Variants in IFI16 observed in about 807,000 individuals in gnomAD.
IFI16 encodes gamma-interferon-inducible protein 16.
Under a neutral mutation model 68.4 loss-of-function variants are expected in IFI16, and 49 were observed. The ratio of observed to expected loss-of-function variants is 0.72; its 90% CI spans 0.57 to 0.91. The LOEUF (loss-of-function observed/expected upper bound fraction) is 0.91, where lower values mean the gene tolerates loss of function less well. Ranked by LOEUF, IFI16 falls within the 40% of genes least tolerant of loss-of-function variation. The pLI is 0.00. For synonymous variants in IFI16, 307 were observed against 315.0 expected, an observed-to-expected ratio of 0.97 and a Z score of 0.27; for missense variants, 878 against 942.9, an observed-to-expected ratio of 0.93 and a Z score of 0.90.
chr1:159,027,568 C>CT, intron 6 of IFI16, among the ~76,000 whole-genome samples: 1 of 151,872 alleles, frequency 6.6e-6, no homozygotes, highest in Non-Finnish European at 1.5e-5. Context: ...AGGATTCTCT[C>CT]TTTCTCTATC....
At chr1:159,027,361 C>T (rs972614993) in intron 6 of IFI16, among the ~76,000 whole-genome samples, 2 of 152,116 alleles carry the variant, frequency 1.3e-5, no homozygotes, top group African/African-American at 4.8e-5. Context: ...ACCATCCCTG[C>T]GTCCCTGGTA....
intron 1 of IFI16, among the ~76,000 whole-genome samples, chr1:159,011,474 T>G (rs2101796525): frequency 6.6e-6 from 1 of 152,132 alleles, no homozygotes; most frequent in East Asian, 1.9e-4. Flanking sequence ...CACAAATATA[T>G]GTATATATAA....
At chr1:159,046,608 T>C (rs1046767034) in intron 8 of IFI16, among the ~76,000 whole-genome samples, 2 of 151,198 alleles carry the variant, frequency 1.3e-5, no homozygotes, top group Non-Finnish European at 3.0e-5. Flanking sequence ...CTTTCTCTTT[T>C]GCTCTCTCAC....
At chr1:159,021,262 C>A (rs978695519) in intron 6 of IFI16, among the ~76,000 whole-genome samples, 1 of 152,146 alleles carries the variant, frequency 6.6e-6, no homozygotes, top group South Asian at 2.1e-4. Flanking sequence ...CCCACTCTTT[C>A]CCCTGAGTCC....
chr1:159,040,388 AG>A (rs1224279459), intron 7 of IFI16, among the ~76,000 whole-genome samples: 1 of 152,194 alleles, frequency 6.6e-6, no homozygotes, highest in Non-Finnish European at 1.5e-5. Context: ...TACCTCTGGG[AG>A]CTAAAGCTGA....
intron 4 of IFI16, among the ~76,000 whole-genome samples, chr1:159,017,990 T>A (rs856045): frequency 0.92 from 139,498 of 152,284 alleles, 64,838 homozygotes; most frequent in Non-Finnish European, 0.99. Context: ...TTTCTTAAGG[T>A]TGATTCTGTT....
chr1:159,000,710 T>C (rs1167491182), intron 1 of IFI16, among the ~76,000 whole-genome samples: 1 of 152,194 alleles, frequency 6.6e-6, no homozygotes, highest in Non-Finnish European at 1.5e-5. Context: ...ATGGATCATG[T>C]TTTTGGAATC....
intron 6 of IFI16, 159 bp from the exon 7 acceptor site, chr1:159,032,363 AAT>A: frequency 1.1e-5 from 5 of 443,450 alleles, no homozygotes; most frequent in Non-Finnish European, 1.5e-5. Context: ...TAGCAAAAAA[AAT>A]ATTCTGACAA....
chr1:159,045,900 A>T (rs1430627089), intron 8 of IFI16, among the ~76,000 whole-genome samples: 2 of 151,258 alleles, frequency 1.3e-5, no homozygotes, highest in African/African-American at 4.8e-5. Context: ...TAACTATCAG[A>T]AATCTTTATC....
intron 6 of IFI16, among the ~76,000 whole-genome samples, chr1:159,026,514 G>C (rs190955181): frequency 1.1e-3 from 161 of 152,098 alleles, no homozygotes; most frequent in African/African-American, 3.7e-3. Flanking sequence ...GGCCAGGCTG[G>C]TCTCAAACTC....
upstream of IFI16, chr1:159,005,919 C>T (rs562328873): frequency 2.0e-5 from 3 of 152,832 alleles, no homozygotes; most frequent in Admixed American, 2.0e-4. Flanking sequence ...GCTATCCCCA[C>T]CCCTCAGCGC....
intron 9 of IFI16, 52 bp from the exon 10 acceptor site, chr1:159,051,627 C>A (rs1655361638): frequency 1.4e-6 from 2 of 1,424,844 alleles, no homozygotes; most frequent in Non-Finnish European, 9.7e-7. Context: ...TAGAGAATGA[C>A]CCTGTTTTTC....
chr1:159,021,900 C>A (rs1653342596), intron 6 of IFI16, among the ~76,000 whole-genome samples: 1 of 138,716 alleles, frequency 7.2e-6, no homozygotes, highest in African/African-American at 2.7e-5. Flanking sequence ...TACATATCTT[C>A]TTTTGAGAAT....
chr1:159,006,084 G>C (rs914016346), upstream of IFI16: 3 of 152,258 alleles, frequency 2.0e-5, no homozygotes, highest in Admixed American at 1.3e-4. Flanking sequence ...AACCAGCCAG[G>C]AGTGGTCTGC....
At chr1:159,039,346 G>GT (rs1201631090) in intron 7 of IFI16, among the ~76,000 whole-genome samples, 1 of 152,038 alleles carries the variant, frequency 6.6e-6, no homozygotes, top group South Asian at 2.1e-4. Context: ...GATACATTAG[G>GT]TTTTTGTTTG....
chr1:159,041,706 C>G (rs896509584), intron 7 of IFI16, among the ~76,000 whole-genome samples: 1 of 152,152 alleles, frequency 6.6e-6, no homozygotes, highest in Non-Finnish European at 1.5e-5. Flanking sequence ...GAATCTTGAC[C>G]ATTTCAGACT....
chr1:159,016,423 T>A, intron 3 of IFI16, 110 bp from the exon 4 acceptor site: 1 of 1,036,892 alleles, frequency 9.6e-7, no homozygotes, highest in Non-Finnish European at 1.4e-6. Context: ...CCTCTCAAGT[T>A]TCCAAGAAAC....
intron 5 of IFI16, among the ~76,000 whole-genome samples, chr1:159,019,703 C>A (rs1008266514): frequency 6.6e-6 from 1 of 152,238 alleles, no homozygotes; most frequent in Non-Finnish European, 1.5e-5. Context: ...TCGTGATCTG[C>A]CCACCTCGGC....
Position 159,014,939 on chromosome 1 carries a change from T to C in IFI16, c.259T>C (p.Leu87=). The C allele has an allele frequency of 6.2e-7, 1 of 1,604,036 alleles. No homozygotes were observed. Among genetic ancestry groups the C allele is most frequent in the Non-Finnish European group, 8.5e-7 (1 of 1,175,944 alleles). The change falls in exon 2 of 12, where the codon TTA becomes CTA. Residue 87 remains leucine (L), a synonymous_variant. Transcript: ENST00000295809. Reference sequence around the variant, plus strand: ...GGCTGAAACTCTTAAAAAAGAAAAGTTAAAAGGTAATTGGGAAGAGGGAAC... The same window carrying C: ...GGCTGAAACTCTTAAAAAAGAAAAGCTAAAAGGTAATTGGGAAGAGGGAAC... The part of the protein sequence containing the change: ...DLAETLKKEK[L]KVKGPALSRK...
Sources: allele counts gnomAD v4.1 joint callset (sites outside exome capture counted in the v4.1 genomes callset), GRCh38; gene constraint gnomAD v4.1.1; transcripts MANE v1.5; gene names NCBI Gene and HGNC (gene_info 2026-07-23, HGNC 2026-07-21).